MRPL27: variants seen among roughly 807,000 people sequenced by gnomAD.
The protein encoded by MRPL27 is large ribosomal subunit protein bL27m.
Under a neutral mutation model 14.6 loss-of-function variants are expected in MRPL27, and 4 were observed. The observed-to-expected ratio is 0.27, with a 90% CI of 0.14 to 0.63. MRPL27 has a LOEUF of 0.63. Among genes scored for constraint, MRPL27 ranks in the 20% least tolerant of loss-of-function variants. MRPL27 has a pLI of 0.85. For missense variants in MRPL27, 196 were observed against 192.8 expected, an observed-to-expected ratio of 1.02 and a Z score of -0.10; for synonymous variants, 82 against 75.5, an observed-to-expected ratio of 1.09 and a Z score of -0.45.
rs117420400 is a variant in MRPL27, at chr17:50,370,612, C to G, written c.41-26G>C. ...CTGCAGAGAAAACAGAAACATTGTTCAGACAGACAGGCTCAAACTATTTCT... is the reference window on the plus strand; with the variant it reads ...CTGCAGAGAAAACAGAAACATTGTTGAGACAGACAGGCTCAAACTATTTCT... On this transcript the variant is annotated intron_variant, in intron 1 of 3. Coordinates refer to ENST00000225969, the MANE Select transcript of MRPL27 (RefSeq NM_016504.3). 4.3e-6 allele frequency: 7 copies of G among 1,613,350 alleles called. No individual in the cohort carries two copies. In the East Asian group the frequency reaches 1.6e-4, roughly 36 times the overall value.
At chr17:50,372,976 G>T in intron 1 of MRPL27, 155 bp downstream of exon 1, 1 of 1,042,540 alleles carries the variant, frequency 9.6e-7, no homozygotes, top group South Asian at 1.5e-5. Flanking sequence ...TGTGTCACGT[G>T]ACCAGCGACA....
Position 50,372,949 on chromosome 17 carries a change from C to G in MRPL27, c.40+182G>C, listed in dbSNP as rs918519743. On this transcript the variant is annotated intron_variant, in intron 1 of 3. Coordinates refer to ENST00000225969, the MANE Select transcript of MRPL27 (RefSeq NM_016504.3). ...CAAGTGCTCTTCAAACGCCCTCACT[C>G]ACGGCTCCACCCAGGATGTGTCACG... The G allele has an allele frequency of 1.5e-5, 12 of 797,256 alleles. No homozygotes were observed. The African/African-American group carries it at 1.6e-4, about 10-fold the overall frequency. The allele number at this position is 797,256 out of a possible 1,614,324, so 49.4% of individuals were successfully genotyped here.
intron 1 of MRPL27, among the ~76,000 whole-genome samples, chr17:50,372,695 A>G (rs1913207117): frequency 6.6e-6 from 1 of 152,218 alleles, no homozygotes; most frequent in South Asian, 2.1e-4. Flanking sequence ...TGCCTTATGC[A>G]CCAGAGAGAA....
intron 1 of MRPL27, among the ~76,000 whole-genome samples, chr17:50,372,077 T>C (rs952072852): frequency 1.3e-5 from 2 of 152,222 alleles, no homozygotes; most frequent in African/African-American, 4.8e-5. Context: ...ACATCTTGGC[T>C]AAATCATCTC....
intron 3 of MRPL27, 79 bp from the exon 4 acceptor site, chr17:50,368,377 C>A: frequency 1.4e-6 from 2 of 1,467,014 alleles, no homozygotes; most frequent in South Asian, 1.2e-5. Flanking sequence ...AGACTTCTCA[C>A]ACAGAGCCGG....
At chr17:50,370,372 G>A in intron 2 of MRPL27, 83 bp downstream of exon 2, 1 of 1,594,410 alleles carries the variant, frequency 6.3e-7, no homozygotes, top group Non-Finnish European at 8.6e-7. Flanking sequence ...AACAGGGCCA[G>A]GCACACGCAG....
chr17:50,369,995 G>C, intron 3 of MRPL27, 37 bp downstream of exon 3: 1 of 1,609,098 alleles, frequency 6.2e-7, no homozygotes, highest in Admixed American at 1.7e-5. Flanking sequence ...GGTCAACCTA[G>C]AAAAGGAAAA....
intron 3 of MRPL27, chr17:50,368,994 C>A: frequency 1.5e-6 from 1 of 651,998 alleles, no homozygotes; most frequent in Non-Finnish European, 2.8e-6. Flanking sequence ...CCCAGGTAGT[C>A]CAGCATTATT....
intron 3 of MRPL27, chr17:50,368,838 C>CT (rs1192898042): frequency 2.8e-6 from 2 of 702,100 alleles, no homozygotes; most frequent in East Asian, 5.4e-5. Flanking sequence ...TAATTCTCAC[C>CT]TAGTGAAAGA....
rs917648086 is a variant in MRPL27 at position 50,368,230 on chromosome 17, G to C, written c.309C>G (p.Val103=). 6.2e-7 allele frequency: 1 copy of C among 1,614,190 alleles called. No individual in the cohort carries two copies. Among genetic ancestry groups the C allele is most frequent in the East Asian group, 2.2e-5 (1 of 44,878 alleles). The change falls in exon 4 of 4, where the codon GTC becomes GTG. Residue 103 remains valine (V), a synonymous_variant. Coordinates refer to ENST00000225969, the MANE Select transcript of MRPL27 (RefSeq NM_016504.3). ...EEGIVRYTKE[V]YVPHPRNTEA... is the part of the protein sequence containing the mutation. ...CCGTGTTTCTGGGATGAGGCACGTA[G>C]ACCTCCTTAGTGTAGCGGACTATCC... is the stretch of plus-strand genomic sequence containing the variant.
intron 1 of MRPL27, chr17:50,372,735 C>A (rs1373509228): frequency 4.1e-6 from 1 of 246,874 alleles, no homozygotes; most frequent in Non-Finnish European, 7.9e-6. Flanking sequence ...CAAGTCTTCA[C>A]GTTTTCTGCT....
At chr17:50,370,384 GTTC>G in intron 2 of MRPL27, 68 bp downstream of exon 2, 1 of 1,606,220 alleles carries the variant, frequency 6.2e-7, no homozygotes, top group Non-Finnish European at 8.5e-7. Context: ...CACACGCAGG[GTTC>G]TTCTGCTCTC....
intron 1 of MRPL27, 182 bp downstream of exon 1, chr17:50,372,949 C>T: frequency 2.5e-6 from 2 of 797,256 alleles, no homozygotes; most frequent in Non-Finnish European, 3.9e-6. Context: ...CGCCCTCACT[C>T]ACGGCTCCAC....
intron 2 of MRPL27, 144 bp downstream of exon 2, chr17:50,370,311 T>A: frequency 7.3e-7 from 1 of 1,376,956 alleles, no homozygotes; most frequent in Non-Finnish European, 1.0e-6. Context: ...TGACCCTTCC[T>A]CAGGTCTTAT....
Position 50,370,561 on chromosome 17 carries a change from C to G in MRPL27, c.66G>C (p.Pro22=). The G allele has an allele frequency of 6.2e-7, 1 of 1,614,090 alleles. No individual in the cohort carries two copies. Among genetic ancestry groups the G allele is most frequent in the Non-Finnish European group, 8.5e-7 (1 of 1,180,020 alleles). The part of the protein sequence containing the change: ...TAVTSLLSPT[P]ATALAVRYAS... ...CGTATCTGACAGCAAGAGCTGTAGC[C>G]GGAGTGGGGCTTAGCAAGGATGTAA... The change falls in exon 2 of 4, where the codon CCG becomes CCC. Residue 22 remains proline (P), a synonymous_variant. Coordinates refer to ENST00000225969, the MANE Select transcript of MRPL27 (RefSeq NM_016504.3).
At chr17:50,372,912 G>T in intron 1 of MRPL27, 1 of 617,034 alleles carries the variant, frequency 1.6e-6, no homozygotes, top group Non-Finnish European at 2.8e-6. Flanking sequence ...TGCTGCTGAG[G>T]CAGGAGAAAG....
intron 3 of MRPL27, chr17:50,369,392 G>T: frequency 6.4e-6 from 1 of 157,088 alleles, no homozygotes; most frequent in South Asian, 1.9e-4. Context: ...TCGAAAAAGG[G>T]GTGGGGGAGG....
chr17:50,368,330 C>A (rs757611399), intron 3 of MRPL27, 32 bp from the exon 4 acceptor site: 15 of 1,606,440 alleles, frequency 9.3e-6, no homozygotes, highest in Non-Finnish European at 1.3e-5. Context: ...AGCTGGTCAG[C>A]TGGTCAGCGA....
chr17:50,370,366 G>C, intron 2 of MRPL27, 89 bp downstream of exon 2: 9 of 1,587,014 alleles, frequency 5.7e-6, no homozygotes, highest in Non-Finnish European at 6.0e-6. Context: ...AGGAAGAACA[G>C]GGCCAGGCAC....
Sources: allele counts gnomAD v4.1 joint callset (sites outside exome capture counted in the v4.1 genomes callset), GRCh38; gene constraint gnomAD v4.1.1; transcripts MANE v1.5; gene names NCBI Gene and HGNC (gene_info 2026-07-23, HGNC 2026-07-21).